The following WDR72 variants were observed in gnomAD, a reference collection of about 807,000 sequenced individuals.
WDR72 encodes WD repeat-containing protein 72.
Under a neutral mutation model 124.2 loss-of-function variants are expected in WDR72, and 120 were observed. The ratio of observed to expected loss-of-function variants is 0.97; its 90% confidence interval spans 0.83 to 1.12. WDR72 has a LOEUF of 1.12. WDR72 is among the 50% of genes most tolerant of loss of function. The probability of loss-of-function intolerance (pLI) is 0.00; values close to 1 mark genes in which losing one functional copy is unlikely to be tolerated. For synonymous variants in WDR72, 452 were observed against 441.7 expected, an observed-to-expected ratio of 1.02 and a Z score of -0.29; for missense variants, 1,387 against 1,278.8, an observed-to-expected ratio of 1.08 and a Z score of -1.29.
At chr15:53,702,014 A>G in intron 12 of WDR72, 120 bp downstream of exon 12, 1 of 652,732 alleles carries the variant, frequency 1.5e-6, no homozygotes, top group Non-Finnish European at 2.5e-6. Context: ...TATTATAAGT[A>G]CATAGAACTC....
intron 13 of WDR72, among the ~76,000 whole-genome samples, chr15:53,679,078 A>C (rs930165613): frequency 6.6e-6 from 1 of 152,266 alleles, no homozygotes; most frequent in African/African-American, 2.4e-5. Context: ...GCATGATTCC[A>C]CTTATATGAT....
Position 53,715,248 on chromosome 15 carries a change from A to C in WDR72, c.459T>G (p.Ser153=). Reference sequence around the variant, plus strand: ...TGCAGTTGATCCAGTCAGGAAACTGAGATGATCTAAAACTGTGAACAACAG... The same window carrying C: ...TGCAGTTGATCCAGTCAGGAAACTGCGATGATCTAAAACTGTGAACAACAG... The part of the protein sequence containing the change: ...TLAVVHSFRS[S]QFPDWINCMC... Residue 153 remains serine (S), a synonymous_variant, in exon 5 of 20, where the codon TCT becomes TCG. Coordinates refer to ENST00000360509, the MANE Select transcript of WDR72 (RefSeq NM_182758.4). 1 of 1,614,186 alleles carries C rather than the reference A, an allele frequency of 6.2e-7. No homozygotes were observed. Among genetic ancestry groups the C allele is most frequent in the Non-Finnish European group, 8.5e-7 (1 of 1,180,012 alleles).
At chr15:53,524,634 G>C (rs1306832260) in intron 18 of WDR72, among the ~76,000 whole-genome samples, 1 of 152,042 alleles carries the variant, frequency 6.6e-6, no homozygotes, top group African/African-American at 2.4e-5. Context: ...ACATGATTCT[G>C]GTTTAAATAT....
intron 18 of WDR72, among the ~76,000 whole-genome samples, chr15:53,575,211 C>T (rs1258450417): frequency 1.3e-5 from 2 of 151,996 alleles, no homozygotes; most frequent in African/African-American, 4.8e-5. Flanking sequence ...CTACTGATGG[C>T]ATTTGAAAAC....
intron 19 of WDR72, among the ~76,000 whole-genome samples, chr15:53,522,124 G>A (rs541652274): frequency 3.9e-5 from 6 of 152,110 alleles, no homozygotes; most frequent in Admixed American, 2.0e-4. Flanking sequence ...CAATGCCATC[G>A]CCACTGCGCC....
chr15:53,695,678 C>G (rs553845435), intron 13 of WDR72, among the ~76,000 whole-genome samples: 53 of 152,190 alleles, frequency 3.5e-4, no homozygotes, highest in Admixed American at 9.8e-4. Context: ...CAGTTGTTTG[C>G]CACTCCCAAG....
chr15:53,701,076 G>T (rs1351472580), intron 12 of WDR72, among the ~76,000 whole-genome samples: 1 of 152,108 alleles, frequency 6.6e-6, no homozygotes, highest in East Asian at 1.9e-4. Context: ...TCAAAAGTTG[G>T]TTGTTCATGT....
intron 18 of WDR72, among the ~76,000 whole-genome samples, chr15:53,579,136 G>A (rs1300321658): frequency 6.6e-6 from 1 of 152,102 alleles, no homozygotes; most frequent in African/African-American, 2.4e-5. Context: ...AGTGCCAGGT[G>A]TGGTGTATGG....
intron 9 of WDR72, among the ~76,000 whole-genome samples, chr15:53,708,333 AC>A (rs1356601048): frequency 6.6e-6 from 1 of 152,176 alleles, no homozygotes; most frequent in East Asian, 1.9e-4. Context: ...AATTTAGTGC[AC>A]CTCACTGTCT....
At chr15:53,709,015 A>G (rs2017461980) in intron 9 of WDR72, among the ~76,000 whole-genome samples, 1 of 152,202 alleles carries the variant, frequency 6.6e-6, no homozygotes, top group Non-Finnish European at 1.5e-5. Flanking sequence ...TTACTGTCAA[A>G]CCTGGAGATT....
intron 1 of WDR72, among the ~76,000 whole-genome samples, chr15:53,757,970 G>C (rs1443677958): frequency 8.4e-6 from 1 of 118,882 alleles, no homozygotes; most frequent in Non-Finnish European, 1.8e-5. Context: ...AAACTTAAGA[G>C]TTTATTTTCT....
At chr15:53,726,123 C>T (rs541348785) in intron 2 of WDR72, among the ~76,000 whole-genome samples, 44 of 148,914 alleles carry the variant, frequency 3.0e-4, no homozygotes, top group African/African-American at 1.0e-3. Context: ...TCCCATAAAA[C>T]GTACAATACC....
chr15:53,675,096 T>C (rs553966592), intron 13 of WDR72, among the ~76,000 whole-genome samples: 1 of 152,234 alleles, frequency 6.6e-6, no homozygotes, highest in South Asian at 2.1e-4. Context: ...ACATCTACTA[T>C]GACTTTGGGA....
intron 17 of WDR72, among the ~76,000 whole-genome samples, chr15:53,601,986 A>C (rs2013064631): frequency 6.6e-6 from 1 of 152,172 alleles, no homozygotes; most frequent in Non-Finnish European, 1.5e-5. Context: ...GCACTGGATC[A>C]AATGGACCTG....
chr15:53,745,570 G>T (rs2018623216), intron 1 of WDR72, among the ~76,000 whole-genome samples: 1 of 152,158 alleles, frequency 6.6e-6, no homozygotes, highest in Admixed American at 6.5e-5. Flanking sequence ...GTGAATTTCA[G>T]ATGAACAACA....
At chr15:53,633,071 G>A (rs1363214685) in intron 14 of WDR72, among the ~76,000 whole-genome samples, 1 of 152,150 alleles carries the variant, frequency 6.6e-6, no homozygotes, top group African/African-American at 2.4e-5. Context: ...ATATTTGGGA[G>A]GGGCCAGAGG....
intron 3 of WDR72, among the ~76,000 whole-genome samples, chr15:53,721,232 C>T (rs969034762): frequency 6.6e-6 from 1 of 152,186 alleles, no homozygotes; most frequent in African/African-American, 2.4e-5. Context: ...TTACAGGGCT[C>T]ATACAGCAGA....
intron 14 of WDR72, among the ~76,000 whole-genome samples, chr15:53,638,354 AG>A (rs770543694): frequency 6.2e-4 from 94 of 152,208 alleles, no homozygotes; most frequent in South Asian, 1.3e-3. Context: ...CCAATCTAGC[AG>A]GGCTTTCATT....
At chr15:53,621,065 T>A (rs1468493978) in intron 14 of WDR72, among the ~76,000 whole-genome samples, 1 of 152,040 alleles carries the variant, frequency 6.6e-6, no homozygotes, top group African/African-American at 2.4e-5. Context: ...ACATCACTAA[T>A]GATCAGGATA....
Sources: allele counts gnomAD v4.1 joint callset (sites outside exome capture counted in the v4.1 genomes callset), GRCh38; gene constraint gnomAD v4.1.1; transcripts MANE v1.5; gene names NCBI Gene and HGNC (gene_info 2026-07-23, HGNC 2026-07-21).